CTNNA3: variants seen among roughly 807,000 people sequenced by gnomAD.
CTNNA3 encodes the protein catenin alpha-3.
CTNNA3 carries 76 observed loss-of-function variants against 95.7 expected under a neutral mutation model. The ratio of observed to expected loss-of-function variants is 0.79; its 90% CI spans 0.66 to 0.96. CTNNA3 has a LOEUF of 0.96. CTNNA3 is among the 40% of genes least tolerant of loss of function. The pLI is 0.00. For synonymous variants in CTNNA3, 431 were observed against 374.4 expected (o/e 1.15, Z -1.74); for missense variants, 1,191 against 1,089.8 (o/e 1.09, Z -1.31).
chr10:67,196,747 C>T (rs1160277814), intron 6 of CTNNA3, among the ~76,000 whole-genome samples: 2 of 152,140 alleles, frequency 1.3e-5, no homozygotes, highest in African/African-American at 4.8e-5. Context: ...CCTACTTTCA[C>T]AATCTCTGTA....
chr10:67,510,154 G>C (rs1839567543), intron 5 of CTNNA3, among the ~76,000 whole-genome samples: 1 of 152,122 alleles, frequency 6.6e-6, no homozygotes, highest in Non-Finnish European at 1.5e-5. Context: ...TCACTCTGAT[G>C]GTAGTTTCTT....
chr10:67,751,590 C>A (rs1168986633), intron 1 of CTNNA3, among the ~76,000 whole-genome samples: 1 of 151,478 alleles, frequency 6.6e-6, no homozygotes, highest in African/African-American at 2.4e-5. Flanking sequence ...AAGAAGAAGA[C>A]AGAGAAGAAT....
intron 14 of CTNNA3, among the ~76,000 whole-genome samples, chr10:66,080,791 T>A (rs1451466940): frequency 2.6e-5 from 4 of 152,122 alleles, no homozygotes; most frequent in African/African-American, 9.7e-5. Flanking sequence ...GTGGAGATGG[T>A]CAATGTCATT....
At chr10:66,553,958 C>G (rs61869371) in intron 10 of CTNNA3, among the ~76,000 whole-genome samples, 6 of 152,072 alleles carry the variant, frequency 3.9e-5, no homozygotes, top group Non-Finnish European at 8.8e-5. Flanking sequence ...TTAAATTTGG[C>G]AAAACATTAT....
chr10:66,250,593 C>T (rs867041386), intron 13 of CTNNA3, among the ~76,000 whole-genome samples: 20 of 152,112 alleles, frequency 1.3e-4, no homozygotes, highest in East Asian at 7.7e-4. Flanking sequence ...TTTTTTTGAA[C>T]GGCAGGAGCA....
chr10:66,137,747 G>C (rs115305150), intron 13 of CTNNA3, among the ~76,000 whole-genome samples: 1,693 of 152,070 alleles, frequency 0.011, 30 homozygotes, highest in African/African-American at 0.039. Context: ...AGGAGTTCAG[G>C]ATTAGCCTGG....
At chr10:65,966,817 A>C in intron 16 of CTNNA3, 71 bp from the exon 17 acceptor site, 3 of 1,218,352 alleles carry the variant, frequency 2.5e-6, no homozygotes, top group Non-Finnish European at 3.5e-6. Context: ...GAGTAAATAC[A>C]GTATTCACAT....
intron 7 of CTNNA3, among the ~76,000 whole-genome samples, chr10:66,997,306 T>C (rs1370627241): frequency 6.6e-6 from 1 of 152,208 alleles, no homozygotes; most frequent in Non-Finnish European, 1.5e-5. Flanking sequence ...ATGTGACTGA[T>C]ACAATCTGAG....
chr10:66,589,456 A>G (rs1843473035), intron 10 of CTNNA3, among the ~76,000 whole-genome samples: 1 of 152,206 alleles, frequency 6.6e-6, no homozygotes, highest in Non-Finnish European at 1.5e-5. Flanking sequence ...AGAAAAACCA[A>G]TAGTGTTTTC....
chr10:67,638,843 C>T lies in CTNNA3; in HGVS notation c.99+8572G>A, dbSNP rs138417484. 6.2e-4 allele frequency among the ~76,000 whole-genome samples: 94 copies of T among 151,938 alleles called. 2 individuals carry two copies. The highest frequency in any genetic ancestry group is 2.0e-3 in the African/African-American group (84 of 41,410). The stretch of plus-strand genomic sequence containing the variant: ...AAGATACAACATACCAGAATCTCTG[C>T]GACACATTTAAAGCAGTGTGTAGAG... On this transcript the variant is annotated intron_variant, in intron 2 of 17. Coordinates refer to ENST00000433211, the MANE Select transcript of CTNNA3 (RefSeq NM_013266.4).
intron 1 of CTNNA3, among the ~76,000 whole-genome samples, chr10:67,695,167 T>G (rs1361313747): frequency 6.6e-6 from 1 of 152,236 alleles, no homozygotes; most frequent in Non-Finnish European, 1.5e-5. Flanking sequence ...CTTGAAATCC[T>G]GCTTTTTCCA....
rs567150846 is a variant in CTNNA3 at position 65,920,217 on chromosome 10, T to C, written c.*113A>G. 2.2e-6 allele frequency: 2 copies of C among 891,646 alleles called. No homozygotes were observed. Among genetic ancestry groups the C allele is most frequent in the Non-Finnish European group, 3.5e-6 (2 of 573,804 alleles). 55.2% of individuals were successfully genotyped at this position (891,646 alleles called of 1,614,324 possible). ...TTTAGCGCCCAATATTTTATGTTAT[T>C]TGTGAGTTAAACACCAAAACTTAGT... On this transcript the variant is annotated 3_prime_UTR_variant, in exon 18 of 18. Transcript: ENST00000433211.
chr10:66,784,244 A>G (rs2132855397), intron 7 of CTNNA3, among the ~76,000 whole-genome samples: 1 of 152,332 alleles, frequency 6.6e-6, no homozygotes, highest in South Asian at 2.1e-4. Flanking sequence ...CATGTGAGAA[A>G]GTTAAATTAA....
At chr10:67,693,267 A>G (rs1173462678) in intron 1 of CTNNA3, among the ~76,000 whole-genome samples, 4 of 152,188 alleles carry the variant, frequency 2.6e-5, no homozygotes, top group Non-Finnish European at 5.9e-5. Flanking sequence ...GTCACTTTCC[A>G]TTAGATTTGC....
In CTNNA3 at chr10:66,096,996, T is replaced by C. The variant is rs57524755; in HGVS notation, c.1977+6161A>G. 8.5e-3 allele frequency among the ~76,000 whole-genome samples: 1,300 copies of C among 152,312 alleles called. 19 individuals carry two copies. Among genetic ancestry groups the C allele is most frequent in the African/African-American group, 0.029 (1,208 of 41,568 alleles). ...AAATAAGAACTTGACAACTATTGGG[T>C]CAACTTTTCGGTGATGTTGCATTAA... On this transcript the variant is annotated intron_variant, in intron 14 of 17. Transcript: ENST00000433211.
chr10:66,648,638 CTA>C (rs1194977380), intron 9 of CTNNA3, among the ~76,000 whole-genome samples: 1 of 151,856 alleles, frequency 6.6e-6, no homozygotes, highest in African/African-American at 2.4e-5. Context: ...AATATTCTAG[CTA>C]CATACAAGAA....
chr10:67,203,815 G>T (rs1041626557), intron 6 of CTNNA3, among the ~76,000 whole-genome samples: 8 of 152,028 alleles, frequency 5.3e-5, no homozygotes, highest in Non-Finnish European at 1.0e-4. Context: ...CATTCAATAT[G>T]GTTCCTCAAA....
chr10:66,128,275 G>GA (rs760758820), intron 13 of CTNNA3, among the ~76,000 whole-genome samples: 1 of 151,890 alleles, frequency 6.6e-6, no homozygotes, highest in African/African-American at 2.4e-5. Context: ...AATAAATTTG[G>GA]AAAAAATGAG....
At chr10:67,174,874 C>A (rs940796515) in intron 7 of CTNNA3, among the ~76,000 whole-genome samples, 11 of 152,116 alleles carry the variant, frequency 7.2e-5, no homozygotes, top group Non-Finnish European at 1.0e-4. Context: ...CTTGCACAGA[C>A]CTATATAGGA....
Sources: gnomAD v4.1 joint callset for allele counts (sites outside exome capture counted in the v4.1 genomes callset) on GRCh38, gnomAD v4.1.1 for gene constraint, MANE v1.5 for transcripts, NCBI Gene and HGNC (gene_info 2026-07-23, HGNC 2026-07-21) for gene names.